Variants in ALKBH3 observed in about 807,000 individuals in gnomAD.
The protein encoded by ALKBH3 is alkB homolog 3, alpha-ketoglutarate dependent dioxygenase.
A neutral mutation model predicts 43.9 loss-of-function variants in ALKBH3; 51 were observed. That is an observed-to-expected ratio of 1.16 (90% CI 0.93 to 1.47). The LOEUF (loss-of-function observed/expected upper bound fraction) is 1.47. ALKBH3 is among the 40% of genes most tolerant of loss of function. The probability of loss-of-function intolerance (pLI) is 0.00; values close to 1 mark genes in which losing one functional copy is unlikely to be tolerated. For synonymous variants in ALKBH3, 102 were observed against 115.2 expected (o/e 0.89, Z 0.73); for missense variants, 361 against 351.9 (o/e 1.03, Z -0.21).
intron 8 of ALKBH3, among the ~76,000 whole-genome samples, chr11:43,911,082 TA>T (rs1404736519): frequency 1.3e-5 from 2 of 152,242 alleles, no homozygotes; most frequent in African/African-American, 4.8e-5. Context: ...AACTCATGGT[TA>T]GAGCTCTGAA....
In ALKBH3 at chr11:43,894,438, T is replaced by A. The variant is rs567644230; in HGVS notation, c.459+2309T>A. On this transcript the variant is annotated intron_variant, in intron 7 of 9. Coordinates refer to ENST00000302708, the MANE Select transcript of ALKBH3 (RefSeq NM_139178.4). The stretch of plus-strand genomic sequence containing the variant: ...GCTGAATTTTAATTTAGACATTCAG[T>A]TCTGAGGCATCTGAATATAGAGTAT... Among the ~76,000 whole-genome samples, 16 of 152,388 alleles carry A rather than the reference T, an allele frequency of 1.0e-4. No homozygotes were observed. In the South Asian group the frequency reaches 3.3e-3, roughly 32 times the overall value.
chr11:43,892,466 C>T (rs774848122), intron 7 of ALKBH3, among the ~76,000 whole-genome samples: 6 of 152,126 alleles, frequency 3.9e-5, no homozygotes, highest in African/African-American at 9.7e-5. Context: ...TTATGACTGA[C>T]GAGTGAGGTC....
At position 43,909,771 on chromosome 11, in the gene ALKBH3, C is replaced by T. The variant is rs1052102180; in HGVS notation, c.669+8046C>T. On this transcript the variant is annotated intron_variant, in intron 8 of 9. Coordinates refer to ENST00000302708, the MANE Select transcript of ALKBH3 (RefSeq NM_139178.4). The stretch of plus-strand genomic sequence containing the variant: ...AGAAATCTCTTTTACCTATTACCAT[C>T]GTGAAAAAAATGCTTTGCTTGACCC... 11 of 152,166 alleles carry T rather than the reference C, an allele frequency of 7.2e-5. No homozygotes were observed. The South Asian group carries it at 1.2e-3, about 17-fold the overall frequency. 9.4% of individuals were successfully genotyped at this position (152,166 alleles called of 1,614,324 possible).
At chr11:43,892,162 A>C in intron 7 of ALKBH3, 33 bp downstream of exon 7, 1 of 1,516,674 alleles carries the variant, frequency 6.6e-7, no homozygotes, top group Non-Finnish European at 9.2e-7. Context: ...GTATGGTTTT[A>C]TAGACTATAT....
intron 8 of ALKBH3, among the ~76,000 whole-genome samples, chr11:43,914,164 A>AATCC (rs1951963934): frequency 6.6e-6 from 1 of 152,256 alleles, no homozygotes; most frequent in Admixed American, 6.5e-5. Flanking sequence ...CAGAAGGAAT[A>AATCC]GAGCTTACCT....
At chr11:43,894,238 C>T (rs1951803102) in intron 7 of ALKBH3, among the ~76,000 whole-genome samples, 1 of 152,168 alleles carries the variant, frequency 6.6e-6, no homozygotes. Flanking sequence ...ACCAACTTGA[C>T]CTCTCCTTTC....
chr11:43,913,298 G>A (rs770358636), intron 8 of ALKBH3, among the ~76,000 whole-genome samples: 4 of 151,702 alleles, frequency 2.6e-5, no homozygotes, highest in Non-Finnish European at 4.4e-5. Flanking sequence ...TTCATCACCC[G>A]GCTAATAAGC....
At chr11:43,894,348 T>C (rs1951803999) in intron 7 of ALKBH3, among the ~76,000 whole-genome samples, 2 of 152,222 alleles carry the variant, frequency 1.3e-5, no homozygotes, top group African/African-American at 4.8e-5. Context: ...TGATTCATAT[T>C]TTTTGTATTC....
chr11:43,894,112 C>T (rs1010972389), intron 7 of ALKBH3, among the ~76,000 whole-genome samples: 1 of 152,176 alleles, frequency 6.6e-6, no homozygotes, highest in South Asian at 2.1e-4. Flanking sequence ...ATATCCCGTA[C>T]AAAATAAGCA....
chr11:43,913,346 G>A (rs763100282), intron 8 of ALKBH3, among the ~76,000 whole-genome samples: 1 of 151,950 alleles, frequency 6.6e-6, no homozygotes. Flanking sequence ...CCTCACCCCC[G>A]TCCCGTCCTC....
At chr11:43,892,195 A>C in intron 7 of ALKBH3, 66 bp downstream of exon 7, 2 of 1,341,002 alleles carry the variant, frequency 1.5e-6, no homozygotes, top group Non-Finnish European at 2.1e-6. Context: ...GTGCTATAAA[A>C]TAACAACAAA....
intron 8 of ALKBH3, among the ~76,000 whole-genome samples, chr11:43,911,640 G>A (rs1426307068): frequency 6.6e-6 from 1 of 152,158 alleles, no homozygotes; most frequent in Admixed American, 6.5e-5. Flanking sequence ...TGAATTCTCT[G>A]ATAATTTTAT....
At chr11:43,886,822 A>T (rs1951749909) in intron 5 of ALKBH3, among the ~76,000 whole-genome samples, 169 bp downstream of exon 5, 1 of 152,242 alleles carries the variant, frequency 6.6e-6, no homozygotes, top group South Asian at 2.1e-4. Context: ...ATGGAACTAG[A>T]GATCTTTATC....
chr11:43,912,492 A>G (rs1165512886), intron 8 of ALKBH3: 1 of 152,226 alleles, frequency 6.6e-6, no homozygotes, highest in Non-Finnish European at 1.5e-5. Flanking sequence ...AACCTGTAAA[A>G]CAAGAAACAG....
chr11:43,894,729 C>T (rs370446222), intron 7 of ALKBH3, among the ~76,000 whole-genome samples: 6 of 152,308 alleles, frequency 3.9e-5, no homozygotes, highest in South Asian at 2.1e-4. Flanking sequence ...TGATCTTTAT[C>T]GCTATGAAGA....
rs990188933 is a variant in ALKBH3 at position 43,903,912 on chromosome 11, T to G, written c.669+2187T>G. Among the ~76,000 whole-genome samples the G allele has an allele frequency of 2.0e-5, 3 of 152,204 alleles. No individual in the cohort carries two copies. The East Asian group carries it at 5.8e-4, about 29-fold the overall frequency. ...TCTTCTCCCCTCCAGAGAGCTGAAT[T>G]TCTTCATTTTCTCATATAAAGATAT... On this transcript the variant is annotated intron_variant, in intron 8 of 9. Coordinates refer to ENST00000302708, the MANE Select transcript of ALKBH3 (RefSeq NM_139178.4).
At chr11:43,911,953 T>G (rs1468484285) in intron 8 of ALKBH3, among the ~76,000 whole-genome samples, 1 of 151,994 alleles carries the variant, frequency 6.6e-6, no homozygotes, top group African/African-American at 2.4e-5. Context: ...AAACCCCGTC[T>G]CTACTAAAAA....
rs773017095 is a variant in ALKBH3, at chr11:43,886,599, T to C, written c.219-7T>C. The C allele has an allele frequency of 1.2e-6, 2 of 1,614,114 alleles. No individual in the cohort carries two copies. Among genetic ancestry groups the C allele is most frequent in the Admixed American group, 3.3e-5 (2 of 60,026 alleles). On this transcript the variant is annotated splice_region_variant and splice_polypyrimidine_tract_variant and intron_variant, in intron 4 of 9. Coordinates refer to ENST00000302708, the MANE Select transcript of ALKBH3 (RefSeq NM_139178.4). ...AACTAACAAGTCTGTTTCCTTTGTT[T>C]CTTTAGCAGAGAGGGTGTGTATGAA...
At chr11:43,914,366 C>T (rs1194696501) in intron 8 of ALKBH3, among the ~76,000 whole-genome samples, 2 of 152,218 alleles carry the variant, frequency 1.3e-5, no homozygotes, top group Non-Finnish European at 2.9e-5. Context: ...TTAGCAATAA[C>T]GGATATAGAG....
Sources: allele counts gnomAD v4.1 joint callset (sites outside exome capture counted in the v4.1 genomes callset), GRCh38; gene constraint gnomAD v4.1.1; transcripts MANE v1.5; gene names NCBI Gene and HGNC (gene_info 2026-07-23, HGNC 2026-07-21).